The following DMD variants were observed in gnomAD, a reference collection of about 807,000 sequenced individuals.
The protein encoded by DMD is dystrophin, also known as mutant dystrophin.
DMD carries 63 observed loss-of-function variants against 330.1 expected under a neutral mutation model. The observed-to-expected ratio is 0.19, with a 90% CI of 0.16 to 0.24. The LOEUF is 0.24. Ranked by LOEUF, DMD falls within the 10% of genes least tolerant of loss-of-function variation. The pLI is 1.00. For missense variants in DMD, 3,344 were observed against 2,684.1 expected, an observed-to-expected ratio of 1.25 and a Z score of -5.43; for synonymous variants, 1,223 against 959.8, an observed-to-expected ratio of 1.27 and a Z score of -5.07.
chrX:32,200,594 A>G (rs2097030810), intron 44 of DMD, among the ~76,000 whole-genome samples: 1 of 110,338 alleles, frequency 9.1e-6, no homozygotes. Context: ...GAAAACACAC[A>G]TATGTAATCA....
chrX:32,705,276 G>A (rs1468624576), intron 7 of DMD, among the ~76,000 whole-genome samples: 1 of 111,804 alleles, frequency 8.9e-6, no homozygotes, highest in Non-Finnish European at 1.9e-5. Context: ...ACAAGCAGTT[G>A]CTTTTACCAT....
intron 3 of DMD, among the ~76,000 whole-genome samples, chrX:32,846,527 G>A (rs1024553027): frequency 9.1e-6 from 1 of 110,186 alleles, no homozygotes; most frequent in African/African-American, 3.3e-5. Flanking sequence ...AAGGTAACTT[G>A]CCTGATATCC....
chrX:32,007,143 A>G (rs1461954571), intron 44 of DMD, among the ~76,000 whole-genome samples: 1 of 104,419 alleles, frequency 9.6e-6, no homozygotes, highest in African/African-American at 3.5e-5. Flanking sequence ...TGGGTGCAGC[A>G]CACCAGCATG....
At chrX:32,783,886 C>G (rs1377664571) in intron 7 of DMD, among the ~76,000 whole-genome samples, 3 of 109,096 alleles carry the variant, frequency 2.7e-5, no homozygotes, top group Non-Finnish European at 5.7e-5. Flanking sequence ...TAATACTTCA[C>G]TTTTTTCATA....
chrX:32,600,805 C>G (rs756970683), intron 12 of DMD, among the ~76,000 whole-genome samples: 1 of 110,851 alleles, frequency 9.0e-6, no homozygotes, highest in East Asian at 2.9e-4. Flanking sequence ...AAAATTGTAG[C>G]AAACATAAAA....
intron 55 of DMD, among the ~76,000 whole-genome samples, chrX:31,579,443 T>C (rs2076247745): frequency 8.9e-6 from 1 of 112,681 alleles, no homozygotes; most frequent in Admixed American, 9.4e-5. Context: ...CTCTAATAAA[T>C]TCTTGTTCTT....
chrX:33,302,553 T>G (rs2053681586), intron 1 of DMD, among the ~76,000 whole-genome samples: 1 of 112,163 alleles, frequency 8.9e-6, no homozygotes, highest in Non-Finnish European at 1.9e-5. Flanking sequence ...ATTTGTTCTC[T>G]TTACTCTTTC....
intron 1 of DMD, among the ~76,000 whole-genome samples, chrX:33,272,974 T>C (rs2053183638): frequency 8.9e-6 from 1 of 112,123 alleles, no homozygotes; most frequent in African/African-American, 3.2e-5. Flanking sequence ...TACCACTGTA[T>C]TTCCAACACA....
intron 7 of DMD, among the ~76,000 whole-genome samples, chrX:32,779,586 C>T (rs964122023): frequency 8.4e-5 from 9 of 107,597 alleles, no homozygotes; most frequent in South Asian, 8.3e-4. Flanking sequence ...TGAGAACATG[C>T]GGTGTTTGGT....
In DMD at chrX:32,280,144, G is replaced by GTATATATATATATATATACAGTA. The variant is rs1369815755; in HGVS notation, c.6290+7362_6290+7384dup. 6.5e-5 allele frequency among the ~76,000 whole-genome samples: 3 copies of GTATATATATATATATATACAGTA among 46,159 alleles called. No homozygotes were observed. The South Asian group carries it at 4.1e-3, about 63-fold the overall frequency. 40.1% of individuals were successfully genotyped at this position (46,159 alleles called of 115,157 possible). On this transcript the variant is annotated intron_variant, in intron 43 of 78. Coordinates refer to ENST00000357033, the MANE Select transcript of DMD (RefSeq NM_004006.3). ...TTATATATGTGTGTTTATATATACAGTATATATATATATATATACAGTATA... is the reference window on the plus strand; with the variant it reads ...TTATATATGTGTGTTTATATATACAGTATATATATATATATATACAGTATATATATATATATATATACAGTATA...
Position 32,816,550 on chromosome X carries a change from T to G in DMD, c.448A>C (p.Asn150His), listed in dbSNP as rs1341299449. ...LLSWVRQSTR[N>H]YPQVNVINFT... ...TTGATTACATTAACCTGTGGATAAT[T>G]ACGAGTTGATTGTCGGACCCAGCTC... The change falls in exon 6 of 79, where the codon AAT becomes CAT. Residue 150 changes from asparagine (N) to histidine (H), a missense_variant. Physicochemically the swap from Asn to His is moderately conservative, Grantham distance 68 (BLOSUM62 1). Coordinates refer to ENST00000357033, the MANE Select transcript of DMD (RefSeq NM_004006.3). 4.1e-6 allele frequency: 5 copies of G among 1,209,492 alleles called. No individual in the cohort carries two copies. The highest frequency in any genetic ancestry group is 2.2e-5 in the Admixed American group (1 of 45,714).
intron 44 of DMD, among the ~76,000 whole-genome samples, chrX:32,198,536 G>C (rs1287436432): frequency 8.9e-6 from 1 of 111,760 alleles, no homozygotes; most frequent in Non-Finnish European, 1.9e-5. Context: ...AACCCCAAAG[G>C]CTGTAGGGTA....
chrX:32,305,967 T>A (rs1272240027), intron 42 of DMD, among the ~76,000 whole-genome samples: 1 of 111,025 alleles, frequency 9.0e-6, no homozygotes, highest in East Asian at 2.8e-4. Context: ...TCTACCCTAT[T>A]TGAAATGGCA....
chrX:32,461,523 G>C (rs1388451306), intron 25 of DMD, among the ~76,000 whole-genome samples: 1 of 111,049 alleles, frequency 9.0e-6, no homozygotes, highest in East Asian at 2.8e-4. Context: ...TATATCTCTT[G>C]AACAACAAAT....
chrX:32,297,038 C>T (rs748513900), intron 42 of DMD, among the ~76,000 whole-genome samples: 139 of 110,311 alleles, frequency 1.3e-3, no homozygotes, highest in African/African-American at 4.4e-3. Context: ...GTAATAGCTT[C>T]CCCATTTCAT....
At chrX:32,479,778 T>G (rs187336875) in intron 21 of DMD, among the ~76,000 whole-genome samples, 4 of 110,310 alleles carry the variant, frequency 3.6e-5, no homozygotes, top group Non-Finnish European at 7.6e-5. Flanking sequence ...TATGCATATA[T>G]CACTATATAT....
intron 55 of DMD, among the ~76,000 whole-genome samples, chrX:31,604,954 T>C (rs770618285): frequency 6.2e-5 from 7 of 112,155 alleles, no homozygotes; most frequent in Admixed American, 9.5e-5. Flanking sequence ...TGAGTATATA[T>C]TGAGGTTAAG....
At chrX:32,277,820 AAG>A (rs750791243) in intron 43 of DMD, among the ~76,000 whole-genome samples, 7 of 110,916 alleles carry the variant, frequency 6.3e-5, no homozygotes, top group Non-Finnish European at 1.3e-4. Flanking sequence ...AACTAGTACT[AAG>A]AGAGAAATTT....
chrX:32,849,181 C>T (rs1257212876), intron 3 of DMD, among the ~76,000 whole-genome samples: 1 of 110,507 alleles, frequency 9.0e-6, no homozygotes, highest in Non-Finnish European at 1.9e-5. Context: ...TGAGTTCTTT[C>T]CCCCCCCAGT....
Sources: allele counts gnomAD v4.1 joint callset (sites outside exome capture counted in the v4.1 genomes callset), GRCh38; gene constraint gnomAD v4.1.1; transcripts MANE v1.5; gene names NCBI Gene and HGNC (gene_info 2026-07-23, HGNC 2026-07-21).